CDKL5: variants seen among roughly 807,000 people sequenced by gnomAD.
CDKL5 encodes the protein cyclin dependent kinase like 5.
A neutral mutation model predicts 61.7 loss-of-function variants in CDKL5; 8 were observed. The ratio of observed to expected loss-of-function variants is 0.13; its 90% CI spans 0.08 to 0.23. The LOEUF is 0.23. Ranked by LOEUF, CDKL5 falls within the 10% of genes least tolerant of loss-of-function variation. The probability of loss-of-function intolerance (pLI) is 1.00; values close to 1 mark genes in which losing one functional copy is unlikely to be tolerated. For synonymous variants in CDKL5, 275 were observed against 272.3 expected, an observed-to-expected ratio of 1.01 and a Z score of -0.10; for missense variants, 440 against 734.5, an observed-to-expected ratio of 0.60 and a Z score of 4.63.
Position 18,471,419 on chromosome X carries a change from C to T in CDKL5, c.-162-35516C>T, listed in dbSNP as rs183395940. On this transcript the variant is annotated intron_variant, in intron 1 of 17. Coordinates refer to ENST00000623535, the MANE Select transcript of CDKL5 (RefSeq NM_001323289.2). ...ACAGGGTCTTGTTCTGTTGCCCAGG[C>T]GGGAGTGCAGTGGTGCAATCACAGC... Among the ~76,000 whole-genome samples the T allele has an allele frequency of 2.4e-3, 268 of 111,440 alleles. 3 individuals are homozygous for T. Among genetic ancestry groups the T allele is most frequent in the African/African-American group, 7.8e-3 (239 of 30,739 alleles).
At chrX:18,533,571 A>G (rs193067660) in intron 3 of CDKL5, among the ~76,000 whole-genome samples, 11 of 112,304 alleles carry the variant, frequency 9.8e-5, no homozygotes, top group South Asian at 7.4e-4. Context: ...TAGATGGTCT[A>G]TGTTCAGTAA....
chrX:18,485,559 C>A (rs754053674), intron 1 of CDKL5, among the ~76,000 whole-genome samples: 2 of 111,891 alleles, frequency 1.8e-5, no homozygotes, highest in Non-Finnish European at 3.8e-5. Context: ...GTTTTATTAA[C>A]GATTCATGGA....
intron 1 of CDKL5, among the ~76,000 whole-genome samples, chrX:18,458,972 C>T (rs920360618): frequency 8.9e-6 from 1 of 111,891 alleles, no homozygotes; most frequent in South Asian, 3.7e-4. Flanking sequence ...TTCCTTCCTT[C>T]AGGGAGGTCA....
intron 4 of CDKL5, among the ~76,000 whole-genome samples, chrX:18,574,351 G>C (rs1053990476): frequency 9.0e-6 from 1 of 111,579 alleles, no homozygotes; most frequent in African/African-American, 3.3e-5. Flanking sequence ...TTACCTCTCA[G>C]TGAATTTGCC....
At chrX:18,489,664 C>T (rs1569194264) in intron 1 of CDKL5, among the ~76,000 whole-genome samples, 1 of 111,122 alleles carries the variant, frequency 9.0e-6, no homozygotes, top group Non-Finnish European at 1.9e-5. Context: ...CCCCCCTCCC[C>T]ACCTTTGAGT....
At chrX:18,561,001 T>C (rs1924787020) in intron 3 of CDKL5, among the ~76,000 whole-genome samples, 1 of 111,683 alleles carries the variant, frequency 9.0e-6, no homozygotes, top group African/African-American at 3.3e-5. Flanking sequence ...GTATTATAAT[T>C]TCTTTATGTT....
intron 3 of CDKL5, among the ~76,000 whole-genome samples, chrX:18,537,316 A>G (rs762628907): frequency 8.9e-6 from 1 of 112,253 alleles, no homozygotes; most frequent in Non-Finnish European, 1.9e-5. Context: ...TCATTTTCAC[A>G]TATATCTTGC....
intron 5 of CDKL5, among the ~76,000 whole-genome samples, chrX:18,577,636 A>G (rs1212071547): frequency 1.8e-5 from 2 of 111,964 alleles, no homozygotes; most frequent in Non-Finnish European, 3.8e-5. Flanking sequence ...GTCATATCCC[A>G]TTGGCCAGGA....
At chrX:18,566,842 C>A (rs1924985858) in intron 4 of CDKL5, among the ~76,000 whole-genome samples, 1 of 110,939 alleles carries the variant, frequency 9.0e-6, no homozygotes, top group African/African-American at 3.3e-5. Context: ...TTTTATTGAA[C>A]CAACAAAACA....
chrX:18,458,613 G>A (rs1037821717), intron 1 of CDKL5, among the ~76,000 whole-genome samples: 4 of 111,380 alleles, frequency 3.6e-5, no homozygotes, highest in Non-Finnish European at 7.5e-5. Context: ...GAGTTATGGT[G>A]GAGGTGGGGC....
At chrX:18,504,970 G>C (rs73191519) in intron 1 of CDKL5, among the ~76,000 whole-genome samples, 2,142 of 110,102 alleles carry the variant, frequency 0.019, 27 homozygotes, top group Middle Eastern at 0.09. Flanking sequence ...GATTTTATAG[G>C]CAGTAAGGAA....
At chrX:18,619,038 T>A (rs1383679927) in intron 15 of CDKL5, among the ~76,000 whole-genome samples, 1 of 111,313 alleles carries the variant, frequency 9.0e-6, no homozygotes, top group African/African-American at 3.3e-5. Context: ...GTCTGAAGTT[T>A]TCTGGCTTTC....
chrX:18,459,852 A>T (rs1177764938), intron 1 of CDKL5, among the ~76,000 whole-genome samples: 1 of 102,142 alleles, frequency 9.8e-6, no homozygotes, highest in Non-Finnish European at 2.0e-5. Flanking sequence ...CTACAGGTGC[A>T]TGCCACCACA....
chrX:18,509,235 A>G (rs1280376105), intron 2 of CDKL5, among the ~76,000 whole-genome samples: 2 of 107,094 alleles, frequency 1.9e-5, no homozygotes, highest in East Asian at 6.1e-4. Context: ...ACACACACAC[A>G]CACACACACA....
intron 1 of CDKL5, among the ~76,000 whole-genome samples, chrX:18,495,325 T>C (rs752481289): frequency 6.8e-4 from 76 of 112,550 alleles, no homozygotes; most frequent in African/African-American, 2.4e-3. Flanking sequence ...GCTCTTAAAT[T>C]CAATACTAAT....
At chrX:18,460,073 G>A (rs1218605031) in intron 1 of CDKL5, among the ~76,000 whole-genome samples, 2 of 110,307 alleles carry the variant, frequency 1.8e-5, no homozygotes, top group African/African-American at 3.3e-5. Context: ...AGTAATTTTC[G>A]TATTTTTAGT....
In CDKL5 at chrX:18,604,320, C is replaced by T. The variant is rs1310879766; in HGVS notation, c.1396C>T (p.Arg466Trp). The T allele has an allele frequency of 9.9e-6, 12 of 1,208,852 alleles. No homozygotes were observed. Among genetic ancestry groups the T allele is most frequent in the East Asian group, 3.0e-5 (1 of 33,759 alleles). The change falls in exon 12 of 18, where the codon CGG becomes TGG. Residue 466 changes from arginine (R) to tryptophan (W), a missense_variant. Arg to Trp is a moderately radical substitution (Grantham distance 101, BLOSUM62 -3). Around this residue, in one of 2 missense-constraint regions of CDKL5, gnomAD observed 363 missense variants for 516.3 expected, o/e 0.70. Transcript: ENST00000623535. ...ACTGCAGCCCAATGAAAAGCAGAGT[C>T]GGCATAGCTATATTGACACAATTCC... is the stretch of plus-strand genomic sequence containing the variant. Reference protein sequence around the residue: ...GTLQPNEKQSRHSYIDTIPQS... With the variant: ...GTLQPNEKQSWHSYIDTIPQS...
At chrX:18,460,072 C>T (rs1030526964) in intron 1 of CDKL5, among the ~76,000 whole-genome samples, 3 of 110,120 alleles carry the variant, frequency 2.7e-5, no homozygotes, top group Non-Finnish European at 3.8e-5. Context: ...GAGTAATTTT[C>T]GTATTTTTAG....
At chrX:18,515,140 T>G (rs1336007241) in intron 3 of CDKL5, among the ~76,000 whole-genome samples, 1 of 112,451 alleles carries the variant, frequency 8.9e-6, no homozygotes, top group Non-Finnish European at 1.9e-5. Flanking sequence ...TAGGCATGTT[T>G]TGTAGCATGC....
Sources: gnomAD v4.1 joint callset for allele counts (sites outside exome capture counted in the v4.1 genomes callset) on GRCh38, gnomAD v4.1.1 for gene constraint, gnomAD v4.1.1 regional missense constraint, MANE v1.5 for transcripts, NCBI Gene and HGNC (gene_info 2026-07-23, HGNC 2026-07-21) for gene names.